The following MTOR variants were observed in gnomAD, a reference collection of about 807,000 sequenced individuals.
MTOR encodes serine/threonine-protein kinase mTOR.
MTOR carries 70 observed loss-of-function variants against 319.8 expected under a neutral mutation model. That is an observed-to-expected ratio of 0.22 (90% CI 0.18 to 0.27). The LOEUF (loss-of-function observed/expected upper bound fraction) is 0.27. Among genes scored for constraint, MTOR ranks in the 10% least tolerant of loss-of-function variants. MTOR has a pLI of 1.00. For missense variants in MTOR, 1,890 were observed against 3,274.4 expected, an observed-to-expected ratio of 0.58 and a Z score of 10.32; for synonymous variants, 1,183 against 1,211.4, an observed-to-expected ratio of 0.98 and a Z score of 0.49.
At chr1:11,166,889 T>C (rs1290822030) in intron 29 of MTOR, among the ~76,000 whole-genome samples, 6 of 152,124 alleles carry the variant, frequency 3.9e-5, no homozygotes, top group Non-Finnish European at 8.8e-5. Flanking sequence ...ATGTGGCACA[T>C]ATACACCATG....
chr1:11,243,810 C>T (rs1012774067), intron 8 of MTOR, among the ~76,000 whole-genome samples: 3 of 151,964 alleles, frequency 2.0e-5, no homozygotes, highest in Admixed American at 6.6e-5. Context: ...ATATGTCAAA[C>T]CTTGTTTAAA....
At chr1:11,192,266 G>A (rs1343030904) in intron 28 of MTOR, 3 of 1,609,390 alleles carry the variant, frequency 1.9e-6, no homozygotes, top group East Asian at 2.2e-5. Flanking sequence ...TTGTTCTCTT[G>A]TAGATGCCAT....
chr1:11,149,521 C>T (rs1475328404), intron 31 of MTOR: 1 of 152,348 alleles, frequency 6.6e-6, no homozygotes, highest in South Asian at 2.1e-4. Flanking sequence ...TTTTATAATA[C>T]CCTTTATAAT....
intron 32 of MTOR, among the ~76,000 whole-genome samples, chr1:11,146,112 G>A (rs1557772429): frequency 6.6e-6 from 1 of 152,244 alleles, no homozygotes; most frequent in East Asian, 1.9e-4. Context: ...AGCTTTTCCC[G>A]TTTTTGAATG....
At chr1:11,245,448 G>A (rs886607194) in intron 8 of MTOR, among the ~76,000 whole-genome samples, 10 of 152,328 alleles carry the variant, frequency 6.6e-5, no homozygotes, top group Middle Eastern at 3.4e-3. Flanking sequence ...TTTACTCTGA[G>A]AAATGTTTTC....
intron 29 of MTOR, among the ~76,000 whole-genome samples, chr1:11,165,187 C>G (rs988268822): frequency 2.0e-5 from 3 of 152,148 alleles, no homozygotes; most frequent in Admixed American, 2.0e-4. Flanking sequence ...AAAACTGGCA[C>G]AAGACAGGGA....
At chr1:11,119,792 A>C (rs1046549744) in intron 49 of MTOR, among the ~76,000 whole-genome samples, 5 of 151,406 alleles carry the variant, frequency 3.3e-5, no homozygotes, top group African/African-American at 2.4e-5. Flanking sequence ...AACAAAAAAA[A>C]CAAAAACAAA....
At position 11,241,620 on chromosome 1, in the gene MTOR, C is replaced by T. The variant is rs2100915129; in HGVS notation, c.1474G>A (p.Ala492Thr). ...VFTCISMLAR[A>T]MGPGIQQDIK... ...TCCTGCTGGATGCCTGGCCCCATTG[C>T]TCGAGCCAGCATGCTGATGCAAGTG... The change falls in exon 10 of 58, where the codon GCA becomes ACA. Residue 492 changes from alanine (A) to threonine (T), a missense_variant. Around this residue, in one of 15 missense-constraint regions of MTOR, gnomAD observed 418 missense variants for 543.1 expected, o/e 0.77. Transcript: ENST00000361445. The T allele has an allele frequency of 6.2e-7, 1 of 1,613,996 alleles. No individual in the cohort carries two copies. Among genetic ancestry groups the T allele is most frequent in the Non-Finnish European group, 8.5e-7 (1 of 1,179,848 alleles).
intron 18 of MTOR, among the ~76,000 whole-genome samples, chr1:11,230,284 C>G (rs2300089): frequency 0.61 from 92,933 of 152,008 alleles, 31,453 homozygotes; most frequent in East Asian, 0.87. Flanking sequence ...GCCAGGTGTG[C>G]TGGTGTGCAC....
At chr1:11,188,285 A>G (rs534425281) in intron 28 of MTOR, among the ~76,000 whole-genome samples, 2 of 152,346 alleles carry the variant, frequency 1.3e-5, no homozygotes, top group Admixed American at 1.3e-4. Flanking sequence ...CTGAAACTCC[A>G]TGTTTTTCAC....
rs112120258 is a variant in MTOR, at chr1:11,136,122, G to A, written c.5131-1656C>T. 2.4e-3 allele frequency among the ~76,000 whole-genome samples: 364 copies of A among 152,218 alleles called. 2 individuals carry two copies. Among genetic ancestry groups the A allele is most frequent in the African/African-American group, 7.9e-3 (326 of 41,526 alleles). ...GCACTCCAGTTTGGGTGACAAGAGC[G>A]AAACCCTGTCTCAAAAAAACAAACA... On this transcript the variant is annotated intron_variant, in intron 36 of 57. Coordinates refer to ENST00000361445, the MANE Select transcript of MTOR (RefSeq NM_004958.4).
rs2100939031 is a variant in MTOR, at chr1:11,247,692, C to T, written c.1158G>A (p.Ser386=). 3.1e-6 allele frequency: 5 copies of T among 1,614,124 alleles called. No individual in the cohort carries two copies. The highest frequency in any genetic ancestry group is 1.3e-5 in the African/African-American group (1 of 75,024). The part of the protein sequence containing the change: ...WVLKCRNSKN[S]LIQMTILNLL... ...AATTAAGGATTGTCATTTGGATCAG[C>T]GAGTTCTTGCTATTCCTGCATTTCA... is the stretch of plus-strand genomic sequence containing the variant. The change falls in exon 8 of 58, where the codon TCG becomes TCA. Residue 386 remains serine (S), a synonymous_variant. Coordinates refer to ENST00000361445, the MANE Select transcript of MTOR (RefSeq NM_004958.4).
chr1:11,231,221 C>T (rs1161875258), intron 17 of MTOR, 79 bp downstream of exon 17: 37 of 1,594,250 alleles, frequency 2.3e-5, no homozygotes, highest in Non-Finnish European at 3.0e-5. Flanking sequence ...ACTGTCAGAG[C>T]ATGTTAATGC....
At chr1:11,224,886 G>A (rs1646780166) in intron 19 of MTOR, among the ~76,000 whole-genome samples, 1 of 152,172 alleles carries the variant, frequency 6.6e-6, no homozygotes, top group African/African-American at 2.4e-5. Context: ...AAGGAAGAAT[G>A]AATTACTGAT....
At chr1:11,195,865 T>C (rs956174491) in intron 28 of MTOR, 4 of 152,310 alleles carry the variant, frequency 2.6e-5, no homozygotes, top group Non-Finnish European at 4.4e-5. Context: ...GATGGTGTTA[T>C]AGTTAATAAT....
At chr1:11,193,134 T>G (rs1053794997) in intron 28 of MTOR, among the ~76,000 whole-genome samples, 4 of 151,926 alleles carry the variant, frequency 2.6e-5, no homozygotes, top group Admixed American at 1.3e-4. Context: ...CTGGCCAACA[T>G]GCTGAAACCC....
intron 28 of MTOR, chr1:11,193,497 C>T (rs1230093113): frequency 7.8e-7 from 1 of 1,287,778 alleles, no homozygotes; most frequent in East Asian, 2.4e-5. Context: ...TCTGCAGGGA[C>T]AGGAACAGGT....
At chr1:11,243,712 C>T (rs1048902441) in intron 8 of MTOR, among the ~76,000 whole-genome samples, 97 of 149,400 alleles carry the variant, frequency 6.5e-4, no homozygotes, top group Non-Finnish European at 1.0e-3. Flanking sequence ...ACCCAAAAAA[C>T]GTAAAAGGTT....
At chr1:11,185,250 T>TC (rs1645276737) in intron 28 of MTOR, among the ~76,000 whole-genome samples, 1 of 114,522 alleles carries the variant, frequency 8.7e-6, no homozygotes, top group Admixed American at 8.6e-5. Context: ...TCAGAGAGAC[T>TC]TTTTTTTTTT....
Sources: allele counts gnomAD v4.1 joint callset (sites outside exome capture counted in the v4.1 genomes callset), GRCh38; gene constraint gnomAD v4.1.1; regional missense constraint gnomAD v4.1.1; transcripts MANE v1.5; gene names NCBI Gene and HGNC (gene_info 2026-07-23, HGNC 2026-07-21).